SYNE1: variants seen among roughly 807,000 people sequenced by gnomAD.
The protein encoded by SYNE1 is spectrin repeat containing nuclear envelope protein 1.
A neutral mutation model predicts 1,111.0 loss-of-function variants in SYNE1; 616 were observed. The ratio of observed to expected loss-of-function variants is 0.55; its 90% confidence interval spans 0.52 to 0.59. The LOEUF is 0.59. Among genes scored for constraint, SYNE1 ranks in the 20% least tolerant of loss-of-function variants. The pLI is 0.00. For missense variants in SYNE1, 10,006 were observed against 10,417.0 expected (o/e 0.96, Z 1.72); for synonymous variants, 3,855 against 3,825.8 (o/e 1.01, Z -0.28).
intron 11 of SYNE1, among the ~76,000 whole-genome samples, chr6:152,495,855 C>T (rs1056600154): frequency 6.6e-6 from 1 of 152,226 alleles, no homozygotes; most frequent in Admixed American, 6.5e-5. Context: ...CACCATTGCT[C>T]CATCTGTAAG....
rs1363508310 is a variant in SYNE1, at chr6:152,331,240, A to T, written c.13445T>A (p.Ile4482Asn). The change falls in exon 78 of 146, where the codon ATC (isoleucine) becomes AAC (asparagine). Residue 4482 changes from isoleucine to asparagine, a missense_variant. Physicochemically the swap from Ile to Asn is moderately radical, Grantham distance 149 (BLOSUM62 -3). Transcript: ENST00000367255. ...HERKIMFREH[I>N]CLLPDDVSKQ... ...GCTCACATCATCTGGTAACAGACAGATGTGTTCACGGAACATTATCTTTCG... is the reference window on the plus strand; with the variant it reads ...GCTCACATCATCTGGTAACAGACAGTTGTGTTCACGGAACATTATCTTTCG... 6.2e-7 allele frequency: 1 copy of T among 1,614,120 alleles called. No individual in the cohort carries two copies. The highest frequency in any genetic ancestry group is 8.5e-7 in the Non-Finnish European group (1 of 1,180,048).
chr6:152,242,414 G>A lies in SYNE1; in HGVS notation c.19719C>T (p.Ile6573=), dbSNP rs1437801725. The change falls in exon 107 of 146, where the codon ATC becomes ATT. Residue 6573 remains isoleucine (I), a synonymous_variant. Coordinates refer to ENST00000367255, the MANE Select transcript of SYNE1 (RefSeq NM_182961.4). ...TCAGACCACTCCTCCGGGAGCCAAT[G>A]ATCATCATCAGCTCATCATACATGT... The part of the protein sequence containing the change: ...LQDMYDELMM[I]IGSRRSGLNQ... 1.2e-6 allele frequency: 2 copies of A among 1,613,926 alleles called. No individual in the cohort carries two copies. Among genetic ancestry groups the A allele is most frequent in the African/African-American group, 2.7e-5 (2 of 74,906 alleles).
chr6:152,376,266 T>C, intron 58 of SYNE1, 115 bp downstream of exon 58: 2 of 1,154,904 alleles, frequency 1.7e-6, no homozygotes, highest in South Asian at 2.5e-5. Context: ...GCCTGGTTCC[T>C]AACAGGCCAG....
At chr6:152,604,986 A>G (rs185679135) in intron 3 of SYNE1, among the ~76,000 whole-genome samples, 8 of 26,856 alleles carry the variant, frequency 3.0e-4, no homozygotes, top group South Asian at 1.8e-3. Context: ...GAAAGAAAGA[A>G]AGAAAGAAAG....
chr6:152,171,023 T>G (rs544065503), intron 130 of SYNE1, among the ~76,000 whole-genome samples: 4 of 152,190 alleles, frequency 2.6e-5, no homozygotes, highest in South Asian at 2.1e-4. Context: ...CCATGTAAGA[T>G]GTGCCTTTCG....
At chr6:152,208,873 AAT>A (rs1426856827) in intron 124 of SYNE1, among the ~76,000 whole-genome samples, 1 of 152,214 alleles carries the variant, frequency 6.6e-6, no homozygotes, top group Admixed American at 6.5e-5. Context: ...AAATGTCATT[AAT>A]ATATTTAGAA....
chr6:152,622,634 A>G (rs1436103805), intron 3 of SYNE1, among the ~76,000 whole-genome samples: 2 of 152,158 alleles, frequency 1.3e-5, no homozygotes, highest in African/African-American at 4.8e-5. Context: ...TCCATGGCAT[A>G]TATGTACCAC....
At chr6:152,530,712 C>G (rs1210854453) in intron 4 of SYNE1, among the ~76,000 whole-genome samples, 1 of 151,276 alleles carries the variant, frequency 6.6e-6, no homozygotes, top group African/African-American at 2.4e-5. Context: ...ACCTCTGCCT[C>G]CCGGGTTCAT....
rs774220095 is a variant in SYNE1, at chr6:152,156,022, C to T, written c.23866G>A (p.Asp7956Asn). The T allele has an allele frequency of 7.4e-6, 12 of 1,614,172 alleles. No homozygotes were observed. In the East Asian group the frequency reaches 1.3e-4, roughly 18 times the overall value. The change falls in exon 132 of 146, where the codon GAC becomes AAC. Residue 7956 changes from aspartate (D) to asparagine (N), a missense_variant. Coordinates refer to ENST00000367255, the MANE Select transcript of SYNE1 (RefSeq NM_182961.4). Reference protein sequence around the residue: ...VLNLCEVLLHDCDACATDAEC... With the variant: ...VLNLCEVLLHNCDACATDAEC... The stretch of plus-strand genomic sequence containing the variant: ...GCATCAGTGGCACAGGCGTCACAGT[C>T]GTGCAGCAGGACTTCACACAGGTTG...
chr6:152,418,115 T>C (rs1234008759), intron 40 of SYNE1, among the ~76,000 whole-genome samples: 1 of 152,250 alleles, frequency 6.6e-6, no homozygotes, highest in Non-Finnish European at 1.5e-5. Flanking sequence ...TAGGTTCCTC[T>C]TGACTGCAGA....
At chr6:152,369,444 G>T (rs1222365382) in intron 60 of SYNE1, 27 bp downstream of exon 60, 1 of 1,614,054 alleles carries the variant, frequency 6.2e-7, no homozygotes, top group Non-Finnish European at 8.5e-7. Context: ...TAGGTCAGAT[G>T]GGGCTACGGG....
rs902353475 is a variant in SYNE1 at position 152,411,724 on chromosome 6, CA to C, written c.6230+1627del. On this transcript the variant is annotated intron_variant, in intron 42 of 145. Transcript: ENST00000367255. ...GCACTTAAAGTCACACACACACACA[CA>C]CACCCCCACACACACACACACAGAG... 2.6e-3 allele frequency among the ~76,000 whole-genome samples: 239 copies of C among 93,640 alleles called. No homozygotes were observed. In the East Asian group the frequency reaches 0.056, roughly 22 times the overall value. The allele number at this position is 93,640 out of a possible 152,430, so 61.4% of individuals were successfully genotyped here.
intron 3 of SYNE1, among the ~76,000 whole-genome samples, chr6:152,550,650 A>G (rs964564448): frequency 6.6e-6 from 1 of 151,922 alleles, no homozygotes; most frequent in Non-Finnish European, 1.5e-5. Context: ...ATAATTTGGT[A>G]GCAAAAAATT....
At chr6:152,596,356 A>T (rs756246816) in intron 3 of SYNE1, among the ~76,000 whole-genome samples, 4 of 151,118 alleles carry the variant, frequency 2.6e-5, no homozygotes, top group African/African-American at 4.9e-5. Context: ...GAGGAGTTCA[A>T]GAGATGCTCA....
rs753273097 is a variant in SYNE1 at position 152,326,451 on chromosome 6, A to G, written c.15138T>C (p.His5046=). The part of the protein sequence containing the change: ...MEFFSTEDQF[H]SNLEELHSLV... The stretch of plus-strand genomic sequence containing the variant: ...GGCTGTGGAGCTCCTCCAGGTTACT[A>G]TGGAACTGATCCTCTGTACTGAAAA... The change falls in exon 79 of 146, where the codon CAT becomes CAC. Residue 5046 remains histidine (H), a synonymous_variant. Coordinates refer to ENST00000367255, the MANE Select transcript of SYNE1 (RefSeq NM_182961.4). The G allele has an allele frequency of 1.9e-6, 3 of 1,614,130 alleles. No individual in the cohort carries two copies. The highest frequency in any genetic ancestry group is 2.2e-5 in the South Asian group (2 of 91,078).
chr6:152,151,432 T>C, intron 135 of SYNE1, 121 bp downstream of exon 135: 1 of 1,225,294 alleles, frequency 8.2e-7, no homozygotes, highest in Non-Finnish European at 1.1e-6. Flanking sequence ...CTGAATTTTT[T>C]TGCAGTCCAG....
At chr6:152,289,841 T>C (rs993685886) in intron 95 of SYNE1, among the ~76,000 whole-genome samples, 3 of 151,958 alleles carry the variant, frequency 2.0e-5, no homozygotes, top group Non-Finnish European at 4.4e-5. Flanking sequence ...TTAGCCAGGA[T>C]GGTCGCGATC....
chr6:152,418,094 T>C (rs562276954), intron 40 of SYNE1, among the ~76,000 whole-genome samples: 2 of 152,364 alleles, frequency 1.3e-5, no homozygotes, highest in East Asian at 3.9e-4. Flanking sequence ...GTTTGACTAC[T>C]AAACTTCAGA....
chr6:152,454,822 T>C (rs998742031), intron 24 of SYNE1, among the ~76,000 whole-genome samples: 48 of 152,328 alleles, frequency 3.2e-4, no homozygotes, highest in African/African-American at 1.2e-3. Context: ...GTGTGGTTTA[T>C]ACAAATAGCC....
Sources: allele counts gnomAD v4.1 joint callset (sites outside exome capture counted in the v4.1 genomes callset), GRCh38; gene constraint gnomAD v4.1.1; transcripts MANE v1.5; gene names NCBI Gene and HGNC (gene_info 2026-07-23, HGNC 2026-07-21).